Variants in NELL1 observed in about 807,000 individuals in gnomAD.
The protein encoded by NELL1 is protein kinase C-binding protein NELL1.
NELL1 carries 76 observed loss-of-function variants against 107.4 expected under a neutral mutation model. That is an observed-to-expected ratio of 0.71 (90% CI 0.59 to 0.86). The LOEUF is 0.86. NELL1 is among the 40% of genes least tolerant of loss of function. The probability of loss-of-function intolerance (pLI) is 0.00; values close to 1 mark genes in which losing one functional copy is unlikely to be tolerated. For synonymous variants in NELL1, 353 were observed against 341.2 expected, an observed-to-expected ratio of 1.03 and a Z score of -0.38; for missense variants, 1,024 against 1,005.5, an observed-to-expected ratio of 1.02 and a Z score of -0.25.
intron 14 of NELL1, among the ~76,000 whole-genome samples, chr11:21,333,806 T>C (rs752049068): frequency 6.6e-6 from 1 of 152,026 alleles, no homozygotes; most frequent in Non-Finnish European, 1.5e-5. Flanking sequence ...GCACATATGT[T>C]TAAACCAGGT....
intron 5 of NELL1, among the ~76,000 whole-genome samples, chr11:20,901,709 G>A (rs1342608213): frequency 6.6e-6 from 1 of 151,770 alleles, no homozygotes; most frequent in Non-Finnish European, 1.5e-5. Flanking sequence ...TAAAGTTATA[G>A]CAATCAGCAG....
At chr11:20,691,092 A>C (rs1038734846) in intron 2 of NELL1, among the ~76,000 whole-genome samples, 1 of 151,742 alleles carries the variant, frequency 6.6e-6, no homozygotes, top group Non-Finnish European at 1.5e-5. Context: ...TTTGTCTGTT[A>C]TTGGTGTATA....
intron 13 of NELL1, among the ~76,000 whole-genome samples, chr11:21,171,397 C>A (rs1856603810): frequency 6.6e-6 from 1 of 151,844 alleles, no homozygotes; most frequent in South Asian, 2.1e-4. Context: ...GGTACATATA[C>A]TTTTATCCTT....
chr11:21,009,978 A>C (rs943057044), intron 12 of NELL1, among the ~76,000 whole-genome samples: 1 of 103,126 alleles, frequency 9.7e-6, no homozygotes, highest in African/African-American at 3.9e-5. Context: ...CCAACTTGCT[A>C]ATCTTCTCCC....
chr11:20,813,006 C>CAAAAAAAAAAAAAAAAAA (rs869187456), intron 3 of NELL1, among the ~76,000 whole-genome samples: 2 of 61,238 alleles, frequency 3.3e-5, no homozygotes, highest in Admixed American at 2.8e-4. Flanking sequence ...GACTCCGTCT[C>CAAAAAAAAAAAAAAAAAA]AAAAAAAAAA....
intron 12 of NELL1, among the ~76,000 whole-genome samples, chr11:21,027,766 T>A (rs1852853148): frequency 6.6e-6 from 1 of 152,182 alleles, no homozygotes; most frequent in Non-Finnish European, 1.5e-5. Context: ...TTGTTTTGAT[T>A]TTTAGCAAAA....
chr11:21,466,311 G>A (rs1266732957), intron 15 of NELL1, among the ~76,000 whole-genome samples: 1 of 152,138 alleles, frequency 6.6e-6, no homozygotes, highest in Non-Finnish European at 1.5e-5. Flanking sequence ...ATAAGGGATA[G>A]GTCTAGAGGG....
chr11:20,692,327 G>A (rs1411533293), intron 2 of NELL1, among the ~76,000 whole-genome samples: 2 of 151,780 alleles, frequency 1.3e-5, no homozygotes, highest in Non-Finnish European at 2.9e-5. Flanking sequence ...CCTTCTGCTA[G>A]CTTTTGAATG....
At chr11:21,015,672 C>T (rs1242047911) in intron 12 of NELL1, among the ~76,000 whole-genome samples, 4 of 151,148 alleles carry the variant, frequency 2.6e-5, no homozygotes, top group African/African-American at 4.9e-5. Flanking sequence ...ACTTTTTTTT[C>T]CCTCCTCTAG....
chr11:20,900,252 C>G (rs896412281), intron 5 of NELL1, among the ~76,000 whole-genome samples: 1 of 152,100 alleles, frequency 6.6e-6, no homozygotes, highest in African/African-American at 2.4e-5. Context: ...AATAAAGTTT[C>G]AAGAGTCAGA....
At chr11:21,361,021 T>G (rs1452670503) in intron 14 of NELL1, among the ~76,000 whole-genome samples, 1 of 152,150 alleles carries the variant, frequency 6.6e-6, no homozygotes, top group Non-Finnish European at 1.5e-5. Flanking sequence ...CTTTATACCT[T>G]GTTCTTTTTC....
intron 15 of NELL1, among the ~76,000 whole-genome samples, chr11:21,418,616 G>T (rs965388848): frequency 6.6e-6 from 1 of 151,810 alleles, no homozygotes; most frequent in African/African-American, 2.4e-5. Context: ...TTCCTTTCAG[G>T]TCTCTAAACC....
At chr11:21,034,580 C>G (rs1458856680) in intron 12 of NELL1, among the ~76,000 whole-genome samples, 1 of 152,066 alleles carries the variant, frequency 6.6e-6, no homozygotes, top group Non-Finnish European at 1.5e-5. Flanking sequence ...AATTAGAAAT[C>G]AATACTATGA....
chr11:21,547,692 T>A (rs1856477591), intron 16 of NELL1, among the ~76,000 whole-genome samples: 1 of 151,964 alleles, frequency 6.6e-6, no homozygotes, highest in Non-Finnish European at 1.5e-5. Flanking sequence ...AATGACTTTC[T>A]TCTGAAAAAG....
chr11:20,763,158 G>C (rs550320626), intron 2 of NELL1, among the ~76,000 whole-genome samples: 1 of 151,920 alleles, frequency 6.6e-6, no homozygotes, highest in East Asian at 1.9e-4. Flanking sequence ...CTGGGGATTC[G>C]GCGTGAGGTA....
chr11:21,380,860 G>C (rs2133768118), intron 15 of NELL1, among the ~76,000 whole-genome samples: 1 of 152,026 alleles, frequency 6.6e-6, no homozygotes, highest in East Asian at 1.9e-4. Context: ...ATACTGAAAA[G>C]AGTACTGTAT....
At chr11:21,420,214 C>A (rs142153857) in intron 15 of NELL1, among the ~76,000 whole-genome samples, 1 of 152,210 alleles carries the variant, frequency 6.6e-6, no homozygotes, top group East Asian at 1.9e-4. Flanking sequence ...GCCTCATAGT[C>A]TTCTACAAAT....
At chr11:20,705,183 A>T (rs1373935236) in intron 2 of NELL1, among the ~76,000 whole-genome samples, 1 of 152,312 alleles carries the variant, frequency 6.6e-6, no homozygotes, top group East Asian at 1.9e-4. Context: ...ATATGGAACC[A>T]AAAAAGAGCC....
At chr11:21,025,249 T>C (rs1043486269) in intron 12 of NELL1, among the ~76,000 whole-genome samples, 7 of 152,098 alleles carry the variant, frequency 4.6e-5, no homozygotes, top group African/African-American at 1.7e-4. Context: ...ATTGAGCTTT[T>C]GGTATACCAA....
Sources: gnomAD v4.1 joint callset for allele counts (sites outside exome capture counted in the v4.1 genomes callset) on GRCh38, gnomAD v4.1.1 for gene constraint, MANE v1.5 for transcripts, NCBI Gene and HGNC (gene_info 2026-07-23, HGNC 2026-07-21) for gene names.